CNTN1: variants seen among roughly 807,000 people sequenced by gnomAD.
CNTN1 encodes contactin-1.
Under a neutral mutation model 126.4 loss-of-function variants are expected in CNTN1, and 38 were observed. The ratio of observed to expected loss-of-function variants is 0.30; its 90% CI spans 0.23 to 0.39. The LOEUF is 0.39. CNTN1 is among the 10% of genes least tolerant of loss of function. The pLI is 1.00. For missense variants in CNTN1, 1,009 were observed against 1,248.4 expected (o/e 0.81, Z 2.89); for synonymous variants, 413 against 422.6 (o/e 0.98, Z 0.28).
At chr12:40,862,913 C>T (rs1943165652) in intron 1 of CNTN1, among the ~76,000 whole-genome samples, 1 of 152,104 alleles carries the variant, frequency 6.6e-6, no homozygotes, top group Non-Finnish European at 1.5e-5. Context: ...TTGAAATCTA[C>T]CATTACTATA....
Position 41,014,212 on chromosome 12 carries a change from TG to T in CNTN1, c.2114-15del, listed in dbSNP as rs1189870166. 105 of 1,612,290 alleles carry T rather than the reference TG, an allele frequency of 6.5e-5. No individual in the cohort carries two copies. Among genetic ancestry groups the T allele is most frequent in the Non-Finnish European group, 8.8e-5 (104 of 1,178,570 alleles). On this transcript the variant is annotated splice_polypyrimidine_tract_variant and intron_variant, in intron 17 of 23. Transcript: ENST00000551295. ...TTTTTGTTGTTGTTTTGCATATATT[TG>T]TTTGTTTGTTTCAGCACCAAATGTG... is the stretch of plus-strand genomic sequence containing the variant.
Position 40,922,215 on chromosome 12 carries a change from C to A in CNTN1, c.228-41C>A, listed in dbSNP as rs1472172694. ...TGTTAGCTCCGTAGAGTTTCTAGGTCTCATGACCTGTGATATGACCTTTGT... is the reference window on the plus strand; with the variant it reads ...TGTTAGCTCCGTAGAGTTTCTAGGTATCATGACCTGTGATATGACCTTTGT... On this transcript the variant is annotated intron_variant, in intron 4 of 23. Coordinates refer to ENST00000551295, the MANE Select transcript of CNTN1 (RefSeq NM_001843.4). 6 of 1,583,678 alleles carry A rather than the reference C, an allele frequency of 3.8e-6. No homozygotes were observed. In the South Asian group the frequency reaches 6.6e-5, roughly 18 times the overall value.
chr12:40,914,748 T>C (rs1945169269), intron 3 of CNTN1, among the ~76,000 whole-genome samples: 1 of 152,142 alleles, frequency 6.6e-6, no homozygotes, highest in Admixed American at 6.6e-5. Flanking sequence ...AAAGGTCAAA[T>C]ATAAGTGGGA....
intron 1 of CNTN1, among the ~76,000 whole-genome samples, chr12:40,750,433 A>C (rs544203626): frequency 6.6e-6 from 1 of 152,122 alleles, no homozygotes; most frequent in South Asian, 2.1e-4. Context: ...ATACAGATGA[A>C]AGTTAGTTGG....
At chr12:41,042,982 CT>C (rs1949452077) in intron 23 of CNTN1, among the ~76,000 whole-genome samples, 1 of 152,114 alleles carries the variant, frequency 6.6e-6, no homozygotes, top group Admixed American at 6.6e-5. Context: ...TTCTTTACAC[CT>C]TATACAAAAA....
At chr12:40,949,569 C>CTTTT (rs36070275) in intron 14 of CNTN1, among the ~76,000 whole-genome samples, 28 of 64,348 alleles carry the variant, frequency 4.4e-4, no homozygotes, top group Non-Finnish European at 6.2e-4. Context: ...TCTTTTCTTT[C>CTTTT]TTTTTTTTTT....
intron 1 of CNTN1, among the ~76,000 whole-genome samples, chr12:40,891,467 T>C (rs1944235763): frequency 6.6e-6 from 1 of 152,152 alleles, no homozygotes; most frequent in African/African-American, 2.4e-5. Context: ...AGAAGTTATT[T>C]CCATACCTAC....
chr12:40,813,687 T>C lies in CNTN1; in HGVS notation c.-76-94670T>C, dbSNP rs528577490. On this transcript the variant is annotated intron_variant, in intron 1 of 23. Coordinates refer to ENST00000551295, the MANE Select transcript of CNTN1 (RefSeq NM_001843.4). ...CATGTGTCTTTATAATAGAATCATTTATATTCCTTTGGGTATATACCCAGT... is the reference window on the plus strand; with the variant it reads ...CATGTGTCTTTATAATAGAATCATTCATATTCCTTTGGGTATATACCCAGT... 2.0e-5 allele frequency among the ~76,000 whole-genome samples: 3 copies of C among 152,360 alleles called. No individual in the cohort carries two copies. The East Asian group carries it at 5.8e-4, about 29-fold the overall frequency.
chr12:41,002,352 C>G (rs1194720936), intron 17 of CNTN1, among the ~76,000 whole-genome samples: 1 of 152,080 alleles, frequency 6.6e-6, no homozygotes, highest in Non-Finnish European at 1.5e-5. Flanking sequence ...AGATATTCAT[C>G]TCCCTAGTTG....
chr12:40,840,302 C>A (rs2136579327), intron 1 of CNTN1, among the ~76,000 whole-genome samples: 1 of 151,900 alleles, frequency 6.6e-6, no homozygotes, highest in South Asian at 2.1e-4. Flanking sequence ...TATAACAATT[C>A]TATATATACA....
At chr12:41,019,755 T>C (rs993692066) in intron 19 of CNTN1, among the ~76,000 whole-genome samples, 5 of 152,198 alleles carry the variant, frequency 3.3e-5, no homozygotes, top group Admixed American at 3.3e-4. Context: ...TTTCAAAGGC[T>C]CTTAAAAATT....
chr12:40,847,890 C>G (rs543515205), intron 1 of CNTN1, among the ~76,000 whole-genome samples: 2 of 152,300 alleles, frequency 1.3e-5, no homozygotes, highest in East Asian at 3.9e-4. Context: ...CACCTCAGAT[C>G]ATAAGGCATT....
chr12:40,776,853 T>A (rs1266972365), intron 1 of CNTN1, among the ~76,000 whole-genome samples: 2 of 151,746 alleles, frequency 1.3e-5, no homozygotes, highest in Non-Finnish European at 3.0e-5. Flanking sequence ...TAAAGCAGTT[T>A]TTGTTTTTGG....
At chr12:40,848,163 A>G (rs557585692) in intron 1 of CNTN1, among the ~76,000 whole-genome samples, 3 of 152,320 alleles carry the variant, frequency 2.0e-5, no homozygotes, top group African/African-American at 7.2e-5. Flanking sequence ...TTCTAGGAAT[A>G]GTCAGCTTTA....
chr12:40,986,501 G>A (rs1947957356), intron 16 of CNTN1, among the ~76,000 whole-genome samples: 1 of 152,128 alleles, frequency 6.6e-6, no homozygotes. Flanking sequence ...AGGTTTTCCT[G>A]TCCTGCTATC....
At chr12:40,791,303 C>G (rs568684195) in intron 1 of CNTN1, among the ~76,000 whole-genome samples, 1 of 152,176 alleles carries the variant, frequency 6.6e-6, no homozygotes, top group Non-Finnish European at 1.5e-5. Context: ...CACCTTGTTC[C>G]TGACAATACG....
At chr12:40,911,512 T>G (rs1945036188) in intron 3 of CNTN1, among the ~76,000 whole-genome samples, 1 of 152,220 alleles carries the variant, frequency 6.6e-6, no homozygotes, top group Non-Finnish European at 1.5e-5. Flanking sequence ...CTATGGCTGC[T>G]TTTTCCAATT....
chr12:40,766,579 C>T (rs574385863), intron 1 of CNTN1, among the ~76,000 whole-genome samples: 42 of 152,168 alleles, frequency 2.8e-4, no homozygotes, highest in Admixed American at 2.0e-3. Flanking sequence ...TACTAAATAT[C>T]CTGTAATCCT....
chr12:40,694,728 G>T (rs1290861868), intron 1 of CNTN1, among the ~76,000 whole-genome samples: 1 of 152,098 alleles, frequency 6.6e-6, no homozygotes, highest in Non-Finnish European at 1.5e-5. Context: ...ACCATCATAG[G>T]CAGTGCGAGC....
Sources: gnomAD v4.1 joint callset for allele counts (sites outside exome capture counted in the v4.1 genomes callset) on GRCh38, gnomAD v4.1.1 for gene constraint, MANE v1.5 for transcripts, NCBI Gene and HGNC (gene_info 2026-07-23, HGNC 2026-07-21) for gene names.